The following B3GNT6 variants were observed in gnomAD, a reference collection of about 807,000 sequenced individuals.
B3GNT6 encodes UDP-GlcNAc:betaGal beta-1,3-N-acetylglucosaminyltransferase 6.
For missense variants in B3GNT6, 624 were observed against 568.6 expected (o/e 1.10, Z -0.99); for synonymous variants, 300 against 270.0 (o/e 1.11, Z -1.09).
intron 1 of B3GNT6, among the ~76,000 whole-genome samples, chr11:77,035,853 T>G (rs1469391369): frequency 6.6e-6 from 1 of 152,230 alleles, no homozygotes; most frequent in African/African-American, 2.4e-5. Flanking sequence ...AGATCTTCTA[T>G]CCGTTTTATC....
intron 1 of B3GNT6, among the ~76,000 whole-genome samples, chr11:77,036,727 TG>T (rs1463358706): frequency 3.3e-5 from 5 of 152,204 alleles, no homozygotes; most frequent in Non-Finnish European, 5.9e-5. Flanking sequence ...GCAGTGGCAG[TG>T]GAATTTGAAT....
In B3GNT6 at chr11:77,040,848, G is replaced by C. The variant is rs536362814; in HGVS notation, c.*142G>C. On this transcript the variant is annotated 3_prime_UTR_variant, in exon 2 of 2. Transcript: ENST00000622824. ...GCACTGAAATCAGCTGGGGTGGGGG[G>C]TGTGGAAAATGCCTACATCCTGGCT... The C allele has an allele frequency of 6.4e-5, 85 of 1,331,690 alleles. No individual in the cohort carries two copies. The African/African-American group carries it at 1.2e-3, about 19-fold the overall frequency. The allele number at this position is 1,331,690 out of a possible 1,614,324, so 82.5% of individuals were successfully genotyped here.
rs782210245 is a variant in B3GNT6 at position 77,039,543 on chromosome 11, C to G, written c.1-9C>G. 40 of 1,563,724 alleles carry G rather than the reference C, an allele frequency of 2.6e-5. No homozygotes were observed. Among genetic ancestry groups the G allele is most frequent in the Non-Finnish European group, 3.2e-5 (37 of 1,154,634 alleles). ...TTCCGGCTCACCTCTGACTCGGTTT[C>G]CCCCACAGATGGCTTTTCCCTGCCG... On this transcript the variant is annotated splice_polypyrimidine_tract_variant and intron_variant, in intron 1 of 1. Coordinates refer to ENST00000622824, the MANE Select transcript of B3GNT6 (RefSeq NM_138706.5).
rs1304937019 is a variant in B3GNT6, at chr11:77,036,454, A to C, written c.-1+1976A>C. ...AGACATTGTGTATGGACTGTAATAC[A>C]CAAGCAATAGGGTTCGGTGCAATAA... On this transcript the variant is annotated intron_variant, in intron 1 of 1. Transcript: ENST00000622824. 2.0e-5 allele frequency among the ~76,000 whole-genome samples: 3 copies of C among 152,224 alleles called. No homozygotes were observed. The East Asian group carries it at 5.8e-4, about 29-fold the overall frequency.
intron 1 of B3GNT6, among the ~76,000 whole-genome samples, chr11:77,036,811 G>A (rs930680564): frequency 5.3e-5 from 8 of 152,144 alleles, no homozygotes; most frequent in South Asian, 2.1e-4. Context: ...GTAATACAAC[G>A]GTGAAGACTG....
rs201020853 is a variant in B3GNT6, at chr11:77,039,726, G to C, written c.175G>C (p.Glu59Gln). Residue 59 changes from glutamate (E) to glutamine (Q), a missense_variant, in exon 2 of 2, where the codon GAG becomes CAG. Physicochemically the swap from Glu to Gln is conservative, Grantham distance 29. Transcript: ENST00000622824. Reference protein sequence around the residue: ...EGPTDAPAADEPPSELVPGPP... With the variant: ...EGPTDAPAADQPPSELVPGPP... ...TCCCACCGACGCTCCCGCGGCTGAC[G>C]AGCCGCCCTCGGAGCTCGTCCCCGG... The C allele has an allele frequency of 6.2e-6, 10 of 1,605,320 alleles. No homozygotes were observed. The African/African-American group carries it at 1.2e-4, about 19-fold the overall frequency.
intron 1 of B3GNT6, among the ~76,000 whole-genome samples, chr11:77,036,242 T>C (rs1439492008): frequency 3.9e-5 from 6 of 152,216 alleles, no homozygotes; most frequent in African/African-American, 7.2e-5. Context: ...ACATAGCTTA[T>C]CTCGCAAGCC....
Position 77,039,828 on chromosome 11 carries a change from C to G in B3GNT6, c.277C>G (p.Leu93Val), listed in dbSNP as rs1182773204. Residue 93 changes from leucine (L) to valine (V), a missense_variant, in exon 2 of 2, where the codon CTG (leucine) becomes GTG (valine). Coordinates refer to ENST00000622824, the MANE Select transcript of B3GNT6 (RefSeq NM_138706.5). ...EQLPARIQDF[L>V]RYRHCRHFPL... ...GCTGCCCGCGCGCATCCAGGACTTC[C>G]TGCGGTACCGCCACTGCCGCCACTT... The G allele has an allele frequency of 3.8e-6, 6 of 1,574,574 alleles. No individual in the cohort carries two copies. Among genetic ancestry groups the G allele is most frequent in the African/African-American group, 1.3e-5 (1 of 74,106 alleles).
At chr11:77,037,455 T>A (rs1949641949) in intron 1 of B3GNT6, among the ~76,000 whole-genome samples, 1 of 151,934 alleles carries the variant, frequency 6.6e-6, no homozygotes, top group African/African-American at 2.4e-5. Flanking sequence ...TCAAGTAGCA[T>A]CCAAGGTGGC....
intron 1 of B3GNT6, among the ~76,000 whole-genome samples, chr11:77,034,930 G>A (rs377203695): frequency 7.2e-5 from 11 of 152,114 alleles, no homozygotes; most frequent in South Asian, 2.1e-4. Context: ...AGGCCATGGC[G>A]GGTGGCTCAC....
chr11:77,035,769 G>A (rs1330634357), intron 1 of B3GNT6, among the ~76,000 whole-genome samples: 3 of 152,194 alleles, frequency 2.0e-5, no homozygotes, highest in Non-Finnish European at 2.9e-5. Context: ...AGAGGTGAGC[G>A]AGCCAGCACC....
In B3GNT6 at chr11:77,039,919, T is replaced by C; in HGVS notation, c.368T>C (p.Val123Ala). The C allele has an allele frequency of 6.3e-7, 1 of 1,592,750 alleles. No homozygotes were observed. The highest frequency in any genetic ancestry group is 8.5e-7 in the Non-Finnish European group (1 of 1,176,964). The change falls in exon 2 of 2, where the codon GTG becomes GCG. Residue 123 changes from valine (V) to alanine (A), a missense_variant. By Grantham distance (64) the Val-to-Ala change is moderately conservative. Transcript: ENST00000622824. ...CGAGGCGTGTTCCTGCTCCTGGCGG[T>C]GAAGTCGGCGCCTGAGCACTACGAG... ...GGRGVFLLLA[V>A]KSAPEHYERR...
chr11:77,035,277 T>C (rs1949624644), intron 1 of B3GNT6, among the ~76,000 whole-genome samples: 1 of 152,236 alleles, frequency 6.6e-6, no homozygotes, highest in Non-Finnish European at 1.5e-5. Flanking sequence ...CTTTATACCA[T>C]ACTGTGTGAG....
rs782480311 is a variant in B3GNT6 at position 77,041,543 on chromosome 11, G to A, written c.*837G>A. On this transcript the variant is annotated 3_prime_UTR_variant, in exon 2 of 2. Transcript: ENST00000622824. ...CTTGGACAACCCAGCAGGGAGTTCCGGGGAGTCCGAAGTGGAGAAAGGCTG... is the reference window on the plus strand; with the variant it reads ...CTTGGACAACCCAGCAGGGAGTTCCAGGGAGTCCGAAGTGGAGAAAGGCTG... The A allele has an allele frequency of 1.4e-4, 21 of 152,888 alleles. No individual in the cohort carries two copies. The highest frequency in any genetic ancestry group is 3.4e-3 in the Middle Eastern group (1 of 298). 9.5% of individuals were successfully genotyped at this position (152,888 alleles called of 1,614,324 possible).
intron 1 of B3GNT6, 52 bp from the exon 2 acceptor site, chr11:77,039,500 G>A: frequency 6.5e-7 from 1 of 1,527,488 alleles, no homozygotes; most frequent in Non-Finnish European, 8.8e-7. Context: ...GTGGTGTCCT[G>A]CCGGTGTCAA....
intron 1 of B3GNT6, among the ~76,000 whole-genome samples, chr11:77,037,511 A>G (rs1292607683): frequency 6.6e-6 from 1 of 152,128 alleles, no homozygotes; most frequent in African/African-American, 2.4e-5. Context: ...CTGGATGGAC[A>G]TGTGGCTCTG....
At position 77,038,249 on chromosome 11, in the gene B3GNT6, C is replaced by T. The variant is rs1344552417; in HGVS notation, c.1-1303C>T. ...AAAGAAAGGAGGAAAGGCAGGAGAGCGTAGAGTCTGTTTTAAGGAGGGAGA... is the reference window on the plus strand; with the variant it reads ...AAAGAAAGGAGGAAAGGCAGGAGAGTGTAGAGTCTGTTTTAAGGAGGGAGA... On this transcript the variant is annotated intron_variant, in intron 1 of 1. Coordinates refer to ENST00000622824, the MANE Select transcript of B3GNT6 (RefSeq NM_138706.5). Among the ~76,000 whole-genome samples, 9 of 150,868 alleles carry T rather than the reference C, an allele frequency of 6.0e-5. No individual in the cohort carries two copies. In the South Asian group the frequency reaches 6.3e-4, roughly 11 times the overall value.
rs1949687797 is a variant in B3GNT6 at position 77,041,636 on chromosome 11, G to A, written c.*930G>A. The A allele has an allele frequency of 6.6e-6, 1 of 152,424 alleles. No individual in the cohort carries two copies. The highest frequency in any genetic ancestry group is 2.4e-5 in the African/African-American group (1 of 41,444). 9.4% of individuals were successfully genotyped at this position (152,424 alleles called of 1,614,324 possible). On this transcript the variant is annotated 3_prime_UTR_variant, in exon 2 of 2. Coordinates refer to ENST00000622824, the MANE Select transcript of B3GNT6 (RefSeq NM_138706.5). ...GTGTGTAGAATTGTGTTCGGGAGGT[G>A]GGGGATCTGAGACCGAAGTGGACAG...
intron 1 of B3GNT6, among the ~76,000 whole-genome samples, chr11:77,038,056 AGTGG>A: frequency 1.6e-3 from 1 of 642 alleles, no homozygotes; most frequent in Non-Finnish European, 4.3e-3. Flanking sequence ...GAGGGGAATG[AGTGG>A]GAGGGGATGA....
Sources: gnomAD v4.1 joint callset for allele counts (sites outside exome capture counted in the v4.1 genomes callset) on GRCh38, gnomAD v4.1.1 for gene constraint, MANE v1.5 for transcripts, NCBI Gene and HGNC (gene_info 2026-07-23, HGNC 2026-07-21) for gene names.